The following KPNA6 variants were observed in gnomAD, a reference collection of about 807,000 sequenced individuals.
KPNA6 encodes the protein importin subunit alpha-7.
In KPNA6, 9 loss-of-function variants were observed where a neutral mutation model predicts 72.0. The observed-to-expected ratio is 0.13, with a 90% CI of 0.08 to 0.22. The LOEUF is 0.22. Among genes scored for constraint, KPNA6 ranks in the 10% least tolerant of loss-of-function variants. The probability of loss-of-function intolerance (pLI) is 1.00; values close to 1 mark genes in which losing one functional copy is unlikely to be tolerated. For synonymous variants in KPNA6, 219 were observed against 242.1 expected (o/e 0.90, Z 0.89); for missense variants, 374 against 655.7 (o/e 0.57, Z 4.69).
At chr1:32,149,697 A>G (rs942272105) in intron 1 of KPNA6, among the ~76,000 whole-genome samples, 2 of 152,156 alleles carry the variant, frequency 1.3e-5, no homozygotes, top group African/African-American at 4.8e-5. Context: ...TCCATCTGGT[A>G]TCATTTTCCT....
At chr1:32,153,276 C>T (rs1570049950) in intron 1 of KPNA6, among the ~76,000 whole-genome samples, 1 of 145,714 alleles carries the variant, frequency 6.9e-6, no homozygotes, top group African/African-American at 2.8e-5. Context: ...TTTAAAAGAA[C>T]GTGAACAGGC....
intron 12 of KPNA6, among the ~76,000 whole-genome samples, chr1:32,169,304 G>T (rs576593027): frequency 6.6e-6 from 1 of 151,722 alleles, no homozygotes; most frequent in Non-Finnish European, 1.5e-5. Flanking sequence ...CCAGGAGGCT[G>T]CAGTGAGCTG....
rs888832111 is a variant in KPNA6, at chr1:32,161,419, C to T, written c.648-528C>T. On this transcript the variant is annotated intron_variant, in intron 7 of 13. Coordinates refer to ENST00000373625, the MANE Select transcript of KPNA6 (RefSeq NM_012316.5). ...AGCGTCATTGTATCCTTCTCCCATC[C>T]TTCCCTCCGTACCCTTAGAGTAAAC... is the stretch of plus-strand genomic sequence containing the variant. Among the ~76,000 whole-genome samples, 3 of 152,318 alleles carry T rather than the reference C, an allele frequency of 2.0e-5. No individual in the cohort carries two copies. In the East Asian group the frequency reaches 5.8e-4, roughly 29 times the overall value.
rs1642472205 is a variant in KPNA6, at chr1:32,173,354, C to G, written c.*2460C>G. ...GCTTGTCCAGCTGTTCCTCCAAAAT[C>G]TACTTTGGCTTCAGCTCCGGGTCCT... On this transcript the variant is annotated 3_prime_UTR_variant, in exon 14 of 14. Coordinates refer to ENST00000373625, the MANE Select transcript of KPNA6 (RefSeq NM_012316.5). The G allele has an allele frequency of 2.7e-6, 1 of 367,264 alleles. No individual in the cohort carries two copies. The highest frequency in any genetic ancestry group is 4.8e-6 in the Non-Finnish European group (1 of 207,156). The allele number at this position is 367,264 out of a possible 1,614,324, so 22.8% of individuals were successfully genotyped here.
chr1:32,121,487 A>T (rs1641432212), intron 1 of KPNA6, among the ~76,000 whole-genome samples: 1 of 152,124 alleles, frequency 6.6e-6, no homozygotes, highest in African/African-American at 2.4e-5. Context: ...GGGAATGGAG[A>T]TAGAGGTTTG....
At chr1:32,127,370 TTC>T (rs1482295106) in intron 1 of KPNA6, among the ~76,000 whole-genome samples, 2 of 152,204 alleles carry the variant, frequency 1.3e-5, no homozygotes, top group Admixed American at 1.3e-4. Flanking sequence ...AGCCTGGCTT[TTC>T]TCTCCCATTT....
intron 12 of KPNA6, among the ~76,000 whole-genome samples, chr1:32,168,882 G>C (rs1642384907): frequency 6.6e-6 from 1 of 152,126 alleles, no homozygotes; most frequent in Admixed American, 6.5e-5. Flanking sequence ...AGCGAATTAG[G>C]GAGCCTGTGA....
chr1:32,150,082 C>T (rs1642000906), intron 1 of KPNA6, among the ~76,000 whole-genome samples: 1 of 146,820 alleles, frequency 6.8e-6, no homozygotes, highest in Non-Finnish European at 1.5e-5. Context: ...TAAGGATTAG[C>T]ATAGCTTTTA....
At chr1:32,134,906 C>CTTTTTTTT in intron 1 of KPNA6, among the ~76,000 whole-genome samples, 1 of 143,210 alleles carries the variant, frequency 7.0e-6, no homozygotes, top group East Asian at 2.0e-4. Context: ...TTTTTTTTTA[C>CTTTTTTTT]TTTTTTTTTT....
intron 1 of KPNA6, 64 bp downstream of exon 1, chr1:32,108,198 C>T: frequency 6.2e-7 from 1 of 1,605,248 alleles, no homozygotes; most frequent in Non-Finnish European, 8.5e-7. Flanking sequence ...TGGGATTTGG[C>T]GAGAGCCTGT....
chr1:32,151,594 G>A (rs1290455806), intron 1 of KPNA6, among the ~76,000 whole-genome samples: 1 of 152,132 alleles, frequency 6.6e-6, no homozygotes, highest in East Asian at 1.9e-4. Context: ...CTCCACTGGT[G>A]AGATTTCCGT....
At chr1:32,146,992 A>G (rs1641940433) in intron 1 of KPNA6, among the ~76,000 whole-genome samples, 1 of 151,922 alleles carries the variant, frequency 6.6e-6, no homozygotes, top group South Asian at 2.1e-4. Flanking sequence ...AGTAGCTGGG[A>G]CTGCAGGTGC....
chr1:32,140,980 G>A (rs1455992272), intron 1 of KPNA6, among the ~76,000 whole-genome samples: 1 of 152,134 alleles, frequency 6.6e-6, no homozygotes, highest in East Asian at 1.9e-4. Flanking sequence ...TATCACTTGT[G>A]TATTGTGGGT....
At chr1:32,118,549 C>G (rs950339025) in intron 1 of KPNA6, among the ~76,000 whole-genome samples, 1 of 151,856 alleles carries the variant, frequency 6.6e-6, no homozygotes, top group Non-Finnish European at 1.5e-5. Context: ...ATTCCTAGCA[C>G]TTTGGGAGGC....
At chr1:32,151,142 T>C (rs1642025199) in intron 1 of KPNA6, among the ~76,000 whole-genome samples, 4 of 152,306 alleles carry the variant, frequency 2.6e-5, no homozygotes, top group East Asian at 3.9e-4. Flanking sequence ...ATTTTGTTTT[T>C]AGTGTCTGGA....
At chr1:32,111,582 A>T (rs1248175419) in intron 1 of KPNA6, among the ~76,000 whole-genome samples, 1 of 152,106 alleles carries the variant, frequency 6.6e-6, no homozygotes, top group Non-Finnish European at 1.5e-5. Flanking sequence ...GGTTATCTCC[A>T]TTTACACTTA....
At chr1:32,143,788 A>G (rs1054083903) in intron 1 of KPNA6, among the ~76,000 whole-genome samples, 2 of 151,936 alleles carry the variant, frequency 1.3e-5, no homozygotes, top group African/African-American at 4.8e-5. Flanking sequence ...GCACCTGGTA[A>G]CCTCTAATCT....
chr1:32,161,912 C>T, intron 7 of KPNA6, 35 bp from the exon 8 acceptor site: 1 of 1,527,576 alleles, frequency 6.5e-7, no homozygotes, highest in Non-Finnish European at 9.1e-7. Flanking sequence ...GCCAAGGCCT[C>T]AGTGCTCAGG....
chr1:32,121,120 G>T (rs1274185786), intron 1 of KPNA6, among the ~76,000 whole-genome samples: 1 of 152,110 alleles, frequency 6.6e-6, no homozygotes, highest in African/African-American at 2.4e-5. Context: ...CAAGTGATCT[G>T]CCTCCCTCGG....
Sources: gnomAD v4.1 joint callset for allele counts (sites outside exome capture counted in the v4.1 genomes callset) on GRCh38, gnomAD v4.1.1 for gene constraint, MANE v1.5 for transcripts, NCBI Gene and HGNC (gene_info 2026-07-23, HGNC 2026-07-21) for gene names.